The following OR2AP1 variants were observed in gnomAD, a reference collection of about 807,000 sequenced individuals.
OR2AP1 encodes olfactory receptor family 2 subfamily AP member 1, also known as olfactory receptor 2AP1.
Under a neutral mutation model 13.9 loss-of-function variants are expected in OR2AP1, and 20 were observed. That is an observed-to-expected ratio of 1.44 (90% CI 1.01 to 2.09). The LOEUF is 2.09. OR2AP1 is among the 30% of genes most tolerant of loss of function. The probability of loss-of-function intolerance (pLI) is 0.00; values close to 1 mark genes in which losing one functional copy is unlikely to be tolerated. For synonymous variants in OR2AP1, 174 were observed against 137.0 expected, an observed-to-expected ratio of 1.27 and a Z score of -1.89; for missense variants, 490 against 360.6, an observed-to-expected ratio of 1.36 and a Z score of -2.91.
rs1337029379 is a variant in OR2AP1 at position 55,574,551 on chromosome 12, TCACCTTGCTGGACTCC to T, written c.144_159del (p.Leu48PhefsTer28). The T allele has an allele frequency of 1.3e-6, 2 of 1,539,604 alleles. No homozygotes were observed. Among genetic ancestry groups the T allele is most frequent in the Non-Finnish European group, 1.7e-6 (2 of 1,148,192 alleles). On this transcript the variant is annotated frameshift_variant, in exon 2 of 2. Coordinates refer to ENST00000641114, the MANE Select transcript of OR2AP1 (RefSeq NM_001258285.2). LOFTEE classifies it high-confidence loss of function. ...CTTGGAAATCTGACTATCCTCATCC[TCACCTTGCTGGACTCC>T]CACCTTCAGACTCCCATGTATTTCT...
chr12:55,575,282 C>T lies in OR2AP1; in HGVS notation c.868C>T (p.Leu290=), dbSNP rs771939547. The T allele has an allele frequency of 6.5e-7, 1 of 1,537,768 alleles. No individual in the cohort carries two copies. Among genetic ancestry groups the T allele is most frequent in the South Asian group, 1.2e-5 (1 of 84,530 alleles). The change falls in exon 2 of 2, where the codon CTA becomes TTA. Residue 290 remains leucine (L), a synonymous_variant. Transcript: ENST00000641114. ...TTTGTTGAACCCCTTTATTTACACC[C>T]TAAGGAACCAACAGGTAAAACAACC... is the stretch of plus-strand genomic sequence containing the variant. The part of the protein sequence containing the change: ...APLLNPFIYT[L]RNQQVKQPFK...
At position 55,574,480 on chromosome 12, in the gene OR2AP1, G is replaced by T; in HGVS notation, c.66G>T (p.Gln22His). ...GTCTAACAGATGTCCCTGAACTCCAGGTGGCAGTTTTCACCTTTCTTTTCC... is the reference window on the plus strand; with the variant it reads ...GTCTAACAGATGTCCCTGAACTCCATGTGGCAGTTTTCACCTTTCTTTTCC... ...LLGLTDVPEL[Q>H]VAVFTFLFLA... The change falls in exon 2 of 2, where the codon CAG becomes CAT. Residue 22 changes from glutamine (Q) to histidine (H), a missense_variant. Coordinates refer to ENST00000641114, the MANE Select transcript of OR2AP1 (RefSeq NM_001258285.2). 1 of 1,536,288 alleles carries T rather than the reference G, an allele frequency of 6.5e-7. No homozygotes were observed. Among genetic ancestry groups the T allele is most frequent in the Non-Finnish European group, 8.7e-7 (1 of 1,146,456 alleles).
Position 55,574,468 on chromosome 12 carries a change from C to G in OR2AP1, c.54C>G (p.Val18=). Reference sequence around the variant, plus strand: ...TTATCCTTCTGGGTCTAACAGATGTCCCTGAACTCCAGGTGGCAGTTTTCA... The same window carrying G: ...TTATCCTTCTGGGTCTAACAGATGTGCCTGAACTCCAGGTGGCAGTTTTCA... ...TEFILLGLTD[V]PELQVAVFTF... Residue 18 remains valine, a synonymous_variant, in exon 2 of 2, where the codon GTC becomes GTG. Coordinates refer to ENST00000641114, the MANE Select transcript of OR2AP1 (RefSeq NM_001258285.2). 1 of 1,536,104 alleles carries G rather than the reference C, an allele frequency of 6.5e-7. No homozygotes were observed. Among genetic ancestry groups the G allele is most frequent in the Non-Finnish European group, 8.7e-7 (1 of 1,146,414 alleles).
At chr12:55,573,167 G>A (rs997832253) in intron 1 of OR2AP1, among the ~76,000 whole-genome samples, 1 of 145,660 alleles carries the variant, frequency 6.9e-6, no homozygotes, top group Admixed American at 6.8e-5. Context: ...GTCAGAGTAA[G>A]ACTGTGGCTC....
intron 1 of OR2AP1, among the ~76,000 whole-genome samples, chr12:55,573,692 G>T (rs1874477565): frequency 6.6e-6 from 1 of 152,138 alleles, no homozygotes; most frequent in Non-Finnish European, 1.5e-5. Context: ...CAAAATTCTA[G>T]ATCTAAAGAT....
rs200171509 is a variant in OR2AP1 at position 55,575,252 on chromosome 12, G to T, written c.838G>T (p.Ala280Ser). 2.3e-4 allele frequency: 362 copies of T among 1,556,394 alleles called. No homozygotes were observed. The highest frequency in any genetic ancestry group is 1.5e-4 in the Non-Finnish European group (174 of 1,156,136). Reference protein sequence around the residue: ...KGVALLITSVAPLLNPFIYTL... With the variant: ...KGVALLITSVSPLLNPFIYTL... ...AGTAGCTCTACTCATTACTTCAGTT[G>T]CTCCTTTGTTGAACCCCTTTATTTA... Residue 280 changes from alanine (A) to serine (S), a missense_variant, in exon 2 of 2, where the codon GCT (alanine) becomes TCT (serine). Ala to Ser is a moderately conservative substitution (Grantham distance 99, BLOSUM62 1). Transcript: ENST00000641114.
Position 55,574,967 on chromosome 12 carries a change from C to A in OR2AP1, c.553C>A (p.Leu185Ile), listed in dbSNP as rs201662798. 9.8e-6 allele frequency: 15 copies of A among 1,537,462 alleles called. No individual in the cohort carries two copies. In the Admixed American group the frequency reaches 2.9e-4, roughly 30 times the overall value. The change falls in exon 2 of 2, where the codon CTC (leucine) becomes ATC (isoleucine). Residue 185 changes from leucine (L) to isoleucine (I), a missense_variant. Coordinates refer to ENST00000641114, the MANE Select transcript of OR2AP1 (RefSeq NM_001258285.2). ...YFCDYEPLLE[L>I]SCSDTSLIEK... Reference sequence around the variant, plus strand: ...CTGTGACTATGAGCCTCTTCTGGAACTCTCATGTTCAGACACAAGCCTCAT... The same window carrying A: ...CTGTGACTATGAGCCTCTTCTGGAAATCTCATGTTCAGACACAAGCCTCAT...
Position 55,574,909 on chromosome 12 carries a change from C to A in OR2AP1, c.495C>A (p.Asp165Glu). The change falls in exon 2 of 2, where the codon GAC becomes GAA. Residue 165 changes from aspartate to glutamate, a missense_variant. Transcript: ENST00000641114. ...CAATCACCCTGATGAGTCAGCAGGA[C>A]TTTTGTGCATCCAACAGACTGAATC... ...IPTITLMSQQDFCASNRLNHY... is the reference protein window; with the variant it reads ...IPTITLMSQQEFCASNRLNHY... The A allele has an allele frequency of 6.5e-7, 1 of 1,541,056 alleles. No individual in the cohort carries two copies. Among genetic ancestry groups the A allele is most frequent in the Non-Finnish European group, 8.7e-7 (1 of 1,147,590 alleles).
At chr12:55,574,097 G>A (rs967193132) in intron 1 of OR2AP1, 123 bp from the exon 2 acceptor site, 10 of 216,238 alleles carry the variant, frequency 4.6e-5, no homozygotes, top group Non-Finnish European at 9.1e-5. Context: ...GCAGCTGGAG[G>A]CATTCTTTTA....
At chr12:55,573,633 C>A (rs995185493) in intron 1 of OR2AP1, among the ~76,000 whole-genome samples, 2 of 152,074 alleles carry the variant, frequency 1.3e-5, no homozygotes, top group Non-Finnish European at 2.9e-5. Flanking sequence ...TTCTTAAGAT[C>A]CTAACATTTC....
Position 55,574,880 on chromosome 12 carries a change from C to G in OR2AP1, c.466C>G (p.Pro156Ala), listed in dbSNP as rs1179644261. 1.3e-6 allele frequency: 2 copies of G among 1,550,310 alleles called. No individual in the cohort carries two copies. The highest frequency in any genetic ancestry group is 1.7e-6 in the Non-Finnish European group (2 of 1,150,582). ...SWLGGLMAII[P>A]TITLMSQQDF... ...GCTGGGTGGGCTAATGGCTATTATA[C>G]CAACAATCACCCTGATGAGTCAGCA... Residue 156 changes from proline to alanine, a missense_variant, in exon 2 of 2, where the codon CCA (proline) becomes GCA (alanine). Transcript: ENST00000641114.
chr12:55,573,083 T>C (rs1874462015), intron 1 of OR2AP1, among the ~76,000 whole-genome samples: 1 of 151,884 alleles, frequency 6.6e-6, no homozygotes, highest in African/African-American at 2.4e-5. Context: ...GAGGCTGGGG[T>C]TGAAGGATCA....
chr12:55,574,432 G>A lies in OR2AP1; in HGVS notation c.18G>A (p.Val6=), dbSNP rs764804693. The stretch of plus-strand genomic sequence containing the variant: ...TTTCAACAATGAAAAATAAAACCGT[G>A]TTAACTGAGTTTATCCTTCTGGGTC... MKNKT[V]LTEFILLGLT... Residue 6 remains valine, a synonymous_variant, in exon 2 of 2, where the codon GTG becomes GTA. Coordinates refer to ENST00000641114, the MANE Select transcript of OR2AP1 (RefSeq NM_001258285.2). The A allele has an allele frequency of 6.6e-7, 1 of 1,523,470 alleles. No homozygotes were observed. The highest frequency in any genetic ancestry group is 8.8e-7 in the Non-Finnish European group (1 of 1,141,592). 94.4% of individuals were successfully genotyped at this position (1,523,470 alleles called of 1,614,324 possible). A position where few individuals can be genotyped will look rare whatever the true frequency, so the allele number is the denominator to read the frequency against.
At chr12:55,573,541 C>T (rs1278660445) in intron 1 of OR2AP1, among the ~76,000 whole-genome samples, 3 of 152,102 alleles carry the variant, frequency 2.0e-5, no homozygotes, top group African/African-American at 4.8e-5. Context: ...ATGTTTTACA[C>T]ATAATTTAAT....
At position 55,574,449 on chromosome 12, in the gene OR2AP1, T is replaced by G. The variant is rs1340601432; in HGVS notation, c.35T>G (p.Leu12Arg). The change falls in exon 2 of 2, where the codon CTT (leucine) becomes CGT (arginine). Residue 12 changes from leucine (L) to arginine (R), a missense_variant. Leu to Arg is a moderately radical substitution (Grantham distance 102). Coordinates refer to ENST00000641114, the MANE Select transcript of OR2AP1 (RefSeq NM_001258285.2). The part of the protein sequence containing the change: ...KNKTVLTEFI[L>R]LGLTDVPELQ... ...AAAACCGTGTTAACTGAGTTTATCC[T>G]TCTGGGTCTAACAGATGTCCCTGAA... 1 of 1,534,854 alleles carries G rather than the reference T, an allele frequency of 6.5e-7. No individual in the cohort carries two copies. The highest frequency in any genetic ancestry group is 1.7e-4 in the Middle Eastern group (1 of 5,974).
At position 55,575,066 on chromosome 12, in the gene OR2AP1, T is replaced by C. The variant is rs778357197; in HGVS notation, c.652T>C (p.Phe218Leu). 1 of 1,548,116 alleles carries C rather than the reference T, an allele frequency of 6.5e-7. No individual in the cohort carries two copies. Among genetic ancestry groups the C allele is most frequent in the South Asian group, 1.2e-5 (1 of 85,108 alleles). Residue 218 changes from phenylalanine to leucine, a missense_variant, in exon 2 of 2, where the codon TTC (phenylalanine) becomes CTC (leucine). Physicochemically the swap from Phe to Leu is conservative, Grantham distance 22 (BLOSUM62 0). Coordinates refer to ENST00000641114, the MANE Select transcript of OR2AP1 (RefSeq NM_001258285.2). ...TLVLVILSYA[F>L]IIKTILKLPS... ...GGTGCTAGTGATTCTCTCCTATGCA[T>C]TCATTATCAAGACTATTCTGAAGCT... is the stretch of plus-strand genomic sequence containing the variant.
In OR2AP1 at chr12:55,574,799, C is replaced by T. The variant is rs371816083; in HGVS notation, c.385C>T (p.His129Tyr). 1 of 1,607,690 alleles carries T rather than the reference C, an allele frequency of 6.2e-7. No homozygotes were observed. The highest frequency in any genetic ancestry group is 1.7e-5 in the Admixed American group (1 of 59,120). The change falls in exon 2 of 2, where the codon CAT (histidine) becomes TAT (tyrosine). Residue 129 changes from histidine (H) to tyrosine (Y), a missense_variant. Transcript: ENST00000641114. ...DRYVAICKPLHYTTIMSSRIC... is the reference protein window; with the variant it reads ...DRYVAICKPLYYTTIMSSRIC... Reference sequence around the variant, plus strand: ...CTATGTGGCCATCTGCAAACCTCTGCATTACACCACCATCATGAGCAGCAG... The same window carrying T: ...CTATGTGGCCATCTGCAAACCTCTGTATTACACCACCATCATGAGCAGCAG...
intron 1 of OR2AP1, among the ~76,000 whole-genome samples, chr12:55,573,569 A>G (rs1874475141): frequency 6.6e-6 from 1 of 152,238 alleles, no homozygotes; most frequent in African/African-American, 2.4e-5. Context: ...CAGACATAGT[A>G]AATCTAATCT....
chr12:55,574,450 T>G lies in OR2AP1; in HGVS notation c.36T>G (p.Leu12=). ...AAACCGTGTTAACTGAGTTTATCCT[T>G]CTGGGTCTAACAGATGTCCCTGAAC... ...KNKTVLTEFI[L]LGLTDVPELQ... Residue 12 remains leucine, a synonymous_variant, in exon 2 of 2, where the codon CTT becomes CTG. Coordinates refer to ENST00000641114, the MANE Select transcript of OR2AP1 (RefSeq NM_001258285.2). 1 of 1,534,786 alleles carries G rather than the reference T, an allele frequency of 6.5e-7. No individual in the cohort carries two copies. Among genetic ancestry groups the G allele is most frequent in the African/African-American group, 1.4e-5 (1 of 73,076 alleles).
Sources: gnomAD v4.1 joint callset for allele counts (sites outside exome capture counted in the v4.1 genomes callset) on GRCh38, gnomAD v4.1.1 for gene constraint, MANE v1.5 for transcripts, NCBI Gene and HGNC (gene_info 2026-07-23, HGNC 2026-07-21) for gene names.